THOP1: variants seen among roughly 807,000 people sequenced by gnomAD.
The protein encoded by THOP1 is thimet oligopeptidase.
In THOP1, 49 loss-of-function variants were observed where a neutral mutation model predicts 71.8. That is an observed-to-expected ratio of 0.68 (90% CI 0.54 to 0.87). The LOEUF (loss-of-function observed/expected upper bound fraction) is 0.87, where lower values mean the gene tolerates loss of function less well. Among genes scored for constraint, THOP1 ranks in the 40% least tolerant of loss-of-function variants. The probability of loss-of-function intolerance (pLI) is 0.00; values close to 1 mark genes in which losing one functional copy is unlikely to be tolerated. For synonymous variants in THOP1, 426 were observed against 421.5 expected (o/e 1.01, Z -0.13); for missense variants, 843 against 975.6 (o/e 0.86, Z 1.81).
At chr19:2,792,475 C>G (rs1915908647) in intron 2 of THOP1, among the ~76,000 whole-genome samples, 1 of 149,064 alleles carries the variant, frequency 6.7e-6, no homozygotes, top group South Asian at 2.2e-4. Flanking sequence ...CACCCCCCCT[C>G]TAAACACACG....
At chr19:2,810,091 A>T (rs1362257738) in intron 9 of THOP1, 1 of 594,584 alleles carries the variant, frequency 1.7e-6, no homozygotes, top group African/African-American at 1.9e-5. Context: ...TGTGGCCGGC[A>T]TCTTCAGGTG....
At chr19:2,806,766 A>C in intron 6 of THOP1, 151 bp from the exon 7 acceptor site, 1 of 1,329,528 alleles carries the variant, frequency 7.5e-7, no homozygotes, top group Non-Finnish European at 1.0e-6. Flanking sequence ...GCATGACCAG[A>C]GGAGTTGTGT....
rs549762980 is a variant in THOP1, at chr19:2,789,289, G to C, written c.17-1132G>C. Among the ~76,000 whole-genome samples, 9 of 152,310 alleles carry C rather than the reference G, an allele frequency of 5.9e-5. No homozygotes were observed. In the East Asian group the frequency reaches 1.7e-3, roughly 29 times the overall value. ...TTTGCTGGCCCCCTGGGCCCTGCAC[G>C]GTTAGGTGTTTCCAGGTGGTTTTGC... On this transcript the variant is annotated intron_variant, in intron 1 of 12. Transcript: ENST00000307741.
chr19:2,795,465 C>G lies in THOP1; in HGVS notation c.378+553C>G, dbSNP rs547597505. ...CAGAGACCCTCCTGCTGCTGTTCAT[C>G]CTCTTAGGCGAGGACCCCTGGGAAT... On this transcript the variant is annotated intron_variant, in intron 3 of 12. Transcript: ENST00000307741. Among the ~76,000 whole-genome samples the G allele has an allele frequency of 7.2e-5, 11 of 152,362 alleles. No homozygotes were observed. The East Asian group carries it at 2.1e-3, about 29-fold the overall frequency.
Position 2,794,829 on chromosome 19 carries a change from A to G in THOP1, c.295A>G (p.Thr99Ala). Residue 99 changes from threonine (T) to alanine (A), a missense_variant, in exon 3 of 13, where the codon ACA becomes GCA. Physicochemically the swap from Thr to Ala is moderately conservative, Grantham distance 58 (BLOSUM62 0). Coordinates refer to ENST00000307741, the MANE Select transcript of THOP1 (RefSeq NM_003249.5). ...SPSKDIRTAS[T>A]EADKKLSEFD... ...CTCCAAGGACATCCGGACAGCCAGC[A>G]CAGAGGCCGACAAGAAGCTCTCTGA... 6.2e-7 allele frequency: 1 copy of G among 1,613,980 alleles called. No homozygotes were observed. The highest frequency in any genetic ancestry group is 8.5e-7 in the Non-Finnish European group (1 of 1,179,966).
rs200952256 is a variant in THOP1, at chr19:2,811,620, C to G, written c.1794C>G (p.Phe598Leu). Residue 598 changes from phenylalanine to leucine, a missense_variant, in exon 12 of 13, where the codon TTC (phenylalanine) becomes TTG (leucine). Coordinates refer to ENST00000307741, the MANE Select transcript of THOP1 (RefSeq NM_003249.5). ...ATPGTNMPAT[F>L]GHLAGGYDAQ... ...CAGGAACCAACATGCCTGCAACCTT[C>G]GGCCATCTGGCAGGTGGCTACGACG... 2.0e-5 allele frequency: 32 copies of G among 1,613,052 alleles called. No individual in the cohort carries two copies. The highest frequency in any genetic ancestry group is 6.8e-6 in the Non-Finnish European group (8 of 1,179,860).
rs1916265547 is a variant in THOP1, at chr19:2,805,371, C to A, written c.750+195C>A. Among the ~76,000 whole-genome samples the A allele has an allele frequency of 6.6e-6, 1 of 152,196 alleles. No individual in the cohort carries two copies. Among genetic ancestry groups the A allele is most frequent in the African/African-American group, 2.4e-5 (1 of 41,436 alleles). On this transcript the variant is annotated intron_variant, in intron 6 of 12. Transcript: ENST00000307741. The surrounding 1 kb of genome is among the most constrained non-coding windows in gnomAD (Gnocchi z 6.6). Reference sequence around the variant, plus strand: ...TGGAGGTGTCTGTGCTGGGCTCCACCCAGACCCTGGGGCCACAGCTCAGGG... The same window carrying A: ...TGGAGGTGTCTGTGCTGGGCTCCACACAGACCCTGGGGCCACAGCTCAGGG...
rs143490447 is a variant in THOP1 at position 2,789,471 on chromosome 19, C to T, written c.17-950C>T. On this transcript the variant is annotated intron_variant, in intron 1 of 12. Coordinates refer to ENST00000307741, the MANE Select transcript of THOP1 (RefSeq NM_003249.5). The stretch of plus-strand genomic sequence containing the variant: ...GTGAGTGGCCGGGCCACATATGACT[C>T]GCCCGTAGCACCTGTGGGTCTGGCA... Among the ~76,000 whole-genome samples, 15 of 152,322 alleles carry T rather than the reference C, an allele frequency of 9.8e-5. No individual in the cohort carries two copies. In the East Asian group the frequency reaches 2.5e-3, roughly 25 times the overall value.
At position 2,807,301 on chromosome 19, in the gene THOP1, G is replaced by A. The variant is rs1379924624; in HGVS notation, c.887-141G>A. 7.4e-6 allele frequency: 10 copies of A among 1,356,430 alleles called. No individual in the cohort carries two copies. In the East Asian group the frequency reaches 1.3e-4, roughly 17 times the overall value. 84.0% of individuals were successfully genotyped at this position (1,356,430 alleles called of 1,614,324 possible). A position where few individuals can be genotyped will look rare whatever the true frequency, so the allele number is the denominator to read the frequency against. ...CCTCACCCTGAGCGTGAGGATGCTCGGCCCCTCGAGGGGTTGCCGGGAACT... is the reference window on the plus strand; with the variant it reads ...CCTCACCCTGAGCGTGAGGATGCTCAGCCCCTCGAGGGGTTGCCGGGAACT... On this transcript the variant is annotated intron_variant, in intron 7 of 12. Coordinates refer to ENST00000307741, the MANE Select transcript of THOP1 (RefSeq NM_003249.5).
chr19:2,796,248 G>A, intron 4 of THOP1, 60 bp downstream of exon 4: 2 of 1,358,292 alleles, frequency 1.5e-6, no homozygotes, highest in South Asian at 1.2e-5. Flanking sequence ...GGGAGTGCTG[G>A]GCACAGGGAG....
At position 2,808,398 on chromosome 19, in the gene THOP1, C is replaced by A. The variant is rs1328723966; in HGVS notation, c.1409C>A (p.Thr470Asn). The change falls in exon 9 of 13, where the codon ACC (threonine) becomes AAC (asparagine). Residue 470 changes from threonine to asparagine, a missense_variant. Coordinates refer to ENST00000307741, the MANE Select transcript of THOP1 (RefSeq NM_003249.5). Reference protein sequence around the residue: ...PSLLQHDEVETYFHEFGHVMH... With the variant: ...PSLLQHDEVENYFHEFGHVMH... ...CTGCTGCAGCATGACGAGGTGGAGA[C>A]CTACTTCCATGAGTTTGGCCACGTG... 2 of 1,611,016 alleles carry A rather than the reference C, an allele frequency of 1.2e-6. No homozygotes were observed. Among genetic ancestry groups the A allele is most frequent in the Non-Finnish European group, 1.7e-6 (2 of 1,178,582 alleles).
chr19:2,809,964 C>T, intron 9 of THOP1: 2 of 366,886 alleles, frequency 5.5e-6, no homozygotes, highest in East Asian at 5.1e-5. Context: ...TGCCTCACAG[C>T]GTCCCCACCC....
chr19:2,810,797 G>A, intron 11 of THOP1, 29 bp downstream of exon 11: 1 of 1,588,564 alleles, frequency 6.3e-7, no homozygotes, highest in Non-Finnish European at 8.5e-7. Context: ...GGCACACCCT[G>A]GAATTTGGAG....
chr19:2,813,693 A>T lies in THOP1; in HGVS notation c.*417A>T, dbSNP rs1287698448. 1 of 130,734 alleles carries T rather than the reference A, an allele frequency of 7.6e-6. No homozygotes were observed. Among genetic ancestry groups the T allele is most frequent in the Non-Finnish European group, 1.6e-5 (1 of 63,640 alleles). 8.1% of individuals were successfully genotyped at this position (130,734 alleles called of 1,614,324 possible). ...AGGGTCCAGCCCTCGGGCTGTTGCC[A>T]CACCAGGCCCTGGATTGGGGCTCAG... On this transcript the variant is annotated 3_prime_UTR_variant, in exon 13 of 13. Coordinates refer to ENST00000307741, the MANE Select transcript of THOP1 (RefSeq NM_003249.5).
At chr19:2,811,263 T>C (rs1490384963) in intron 11 of THOP1, among the ~76,000 whole-genome samples, 2 of 152,226 alleles carry the variant, frequency 1.3e-5, no homozygotes. Flanking sequence ...TCAAAAATCT[T>C]TCCAAAAGCG....
intron 12 of THOP1, chr19:2,812,277 C>T (rs1219522170): frequency 2.2e-5 from 34 of 1,535,384 alleles, no homozygotes; most frequent in South Asian, 3.6e-5. Context: ...AGGCTCGGGA[C>T]AGCCGCCAGA....
At chr19:2,803,986 G>A (rs1055181470) in intron 5 of THOP1, among the ~76,000 whole-genome samples, 2 of 151,782 alleles carry the variant, frequency 1.3e-5, no homozygotes, top group South Asian at 2.1e-4. Flanking sequence ...CCCTGGGGTC[G>A]GCGTGAGCTC....
chr19:2,804,664 C>T lies in THOP1; in HGVS notation c.590-352C>T, dbSNP rs141485007. 3.0e-4 allele frequency: 61 copies of T among 203,376 alleles called. No homozygotes were observed. The highest frequency in any genetic ancestry group is 1.2e-3 in the African/African-American group (52 of 42,828). 12.6% of individuals were successfully genotyped at this position (203,376 alleles called of 1,614,324 possible). A position where few individuals can be genotyped will look rare whatever the true frequency, so the allele number is the denominator to read the frequency against. On this transcript the variant is annotated intron_variant, in intron 5 of 12. Transcript: ENST00000307741. This position sits in a 1 kb window ranked among gnomAD's most constrained non-coding sequence, Gnocchi z 4.7. ...CTCCCTTCACACATGAGGTTGGTGA[C>T]GGCGCCCTGGAAGCCCACGATGTCC...
chr19:2,804,890 GCT>G lies in THOP1; in HGVS notation c.590-125_590-124del. ...TGCAGCGGGTGGTGGCCAGGCTGCAGCTGCTCGCTGAGGGCCCCCTTGTAGCT... is the reference window on the plus strand; with the variant it reads ...TGCAGCGGGTGGTGGCCAGGCTGCAGGCTCGCTGAGGGCCCCCTTGTAGCT... On this transcript the variant is annotated intron_variant, in intron 5 of 12. Coordinates refer to ENST00000307741, the MANE Select transcript of THOP1 (RefSeq NM_003249.5). This position sits in a 1 kb window ranked among gnomAD's most constrained non-coding sequence, Gnocchi z 4.7. 1 of 937,848 alleles carries G rather than the reference GCT, an allele frequency of 1.1e-6. No homozygotes were observed. Among genetic ancestry groups the G allele is most frequent in the Non-Finnish European group, 1.5e-6 (1 of 648,566 alleles). The allele number at this position is 937,848 out of a possible 1,614,324, so 58.1% of individuals were successfully genotyped here. A position where few individuals can be genotyped will look rare whatever the true frequency, so the allele number is the denominator to read the frequency against.
Sources: gnomAD v4.1 joint callset for allele counts (sites outside exome capture counted in the v4.1 genomes callset) on GRCh38, gnomAD v4.1.1 for gene constraint, Gnocchi (gnomAD v3.1) non-coding constraint, MANE v1.5 for transcripts, NCBI Gene and HGNC (gene_info 2026-07-23, HGNC 2026-07-21) for gene names.